The following DRD2 variants were observed in gnomAD, a reference collection of about 807,000 sequenced individuals.
The protein encoded by DRD2 is dopamine receptor D2.
Under a neutral mutation model 38.0 loss-of-function variants are expected in DRD2, and 8 were observed. The ratio of observed to expected loss-of-function variants is 0.21; its 90% CI spans 0.12 to 0.38. DRD2 has a LOEUF of 0.38. Ranked by LOEUF, DRD2 falls within the 10% of genes least tolerant of loss-of-function variation. DRD2 has a pLI of 1.00. For synonymous variants in DRD2, 230 were observed against 238.6 expected, an observed-to-expected ratio of 0.96 and a Z score of 0.33; for missense variants, 403 against 607.7, an observed-to-expected ratio of 0.66 and a Z score of 3.54.
chr11:113,425,665 A>G (rs1224149137), intron 1 of DRD2, among the ~76,000 whole-genome samples: 1 of 152,048 alleles, frequency 6.6e-6, no homozygotes, highest in Admixed American at 6.5e-5. Flanking sequence ...CAGGTAAGAG[A>G]TGATGAGGTT....
intron 1 of DRD2, among the ~76,000 whole-genome samples, chr11:113,462,288 C>T (rs1254332936): frequency 1.3e-5 from 2 of 152,180 alleles, no homozygotes. Context: ...CCTCCGACCC[C>T]CAAGCCCCCA....
In DRD2 at chr11:113,417,010, G is replaced by A. The variant is rs537699837; in HGVS notation, c.396-11C>T. 1.6e-5 allele frequency: 26 copies of A among 1,612,990 alleles called. No individual in the cohort carries two copies. The South Asian group carries it at 1.8e-4, about 11-fold the overall frequency. On this transcript the variant is annotated splice_polypyrimidine_tract_variant and intron_variant, in intron 3 of 7. Coordinates refer to ENST00000362072, the MANE Select transcript of DRD2 (RefSeq NM_000795.4). ...GCCACAGCTGTGTACCTGCAAGGGC[G>A]GGGGACCCTGAATCTGGGGTGCAGG...
At chr11:113,466,077 G>A (rs1394663844) in intron 1 of DRD2, among the ~76,000 whole-genome samples, 1 of 152,138 alleles carries the variant, frequency 6.6e-6, no homozygotes, top group African/African-American at 2.4e-5. Context: ...ACTTGATAGA[G>A]GTCACATAGC....
At position 113,410,604 on chromosome 11, in the gene DRD2, G is replaced by A. The variant is rs1950759469; in HGVS notation, c.*123C>T. On this transcript the variant is annotated 3_prime_UTR_variant, in exon 8 of 8. Transcript: ENST00000362072. ...CATGGAGCCAAGCGAACACTGCAGGGCCTGCCGGGGTGAAGAGGAGGCCGA... is the reference window on the plus strand; with the variant it reads ...CATGGAGCCAAGCGAACACTGCAGGACCTGCCGGGGTGAAGAGGAGGCCGA... The A allele has an allele frequency of 4.0e-6, 5 of 1,242,178 alleles. No individual in the cohort carries two copies. The highest frequency in any genetic ancestry group is 3.6e-5 in the South Asian group (3 of 82,596). 76.9% of individuals were successfully genotyped at this position (1,242,178 alleles called of 1,614,324 possible).
Position 113,424,550 on chromosome 11 carries a change from G to A in DRD2, c.102C>T (p.Tyr34=). ...GGGTGAGCAGTGTGGCATAGTAGTT[G>A]TAGTGGGGTCTGTCCGCCTTCCCGT... is the stretch of plus-strand genomic sequence containing the variant. ...GSDGKADRPH[Y]NYYATLLTLL... is the part of the protein sequence containing the mutation. The change falls in exon 2 of 8, where the codon TAC becomes TAT. Residue 34 remains tyrosine, a synonymous_variant. Coordinates refer to ENST00000362072, the MANE Select transcript of DRD2 (RefSeq NM_000795.4). 1 of 1,614,250 alleles carries A rather than the reference G, an allele frequency of 6.2e-7. No individual in the cohort carries two copies. Among genetic ancestry groups the A allele is most frequent in the Non-Finnish European group, 8.5e-7 (1 of 1,180,052 alleles).
chr11:113,416,900 G>A lies in DRD2; in HGVS notation c.495C>T (p.Thr165=). 2 of 1,614,224 alleles carry A rather than the reference G, an allele frequency of 1.2e-6. No homozygotes were observed. Among genetic ancestry groups the A allele is most frequent in the Non-Finnish European group, 1.7e-6 (2 of 1,180,036 alleles). Reference sequence around the variant, plus strand: ...GTCCGAAGAGGAGTGGGCAGGAGATGGTGAAGGACAGGACCCAGACGATGG... The same window carrying A: ...GTCCGAAGAGGAGTGGGCAGGAGATAGTGAAGGACAGGACCCAGACGATGG... ...MISIVWVLSF[T]ISCPLLFGLN... The change falls in exon 4 of 8, where the codon ACC becomes ACT. Residue 165 remains threonine, a synonymous_variant. Coordinates refer to ENST00000362072, the MANE Select transcript of DRD2 (RefSeq NM_000795.4).
At chr11:113,434,153 C>T (rs920510662) in intron 1 of DRD2, among the ~76,000 whole-genome samples, 2 of 152,228 alleles carry the variant, frequency 1.3e-5, no homozygotes, top group African/African-American at 4.8e-5. Context: ...AACACGTGTG[C>T]TCCTCGGTGA....
chr11:113,436,450 A>C (rs1951038243), intron 1 of DRD2, among the ~76,000 whole-genome samples: 1 of 152,278 alleles, frequency 6.6e-6, no homozygotes, highest in South Asian at 2.1e-4. Flanking sequence ...AAATCCCTGA[A>C]ATTTAGGGGA....
chr11:113,411,634 A>C (rs1950770542), intron 7 of DRD2: 1 of 152,452 alleles, frequency 6.6e-6, no homozygotes, highest in Non-Finnish European at 1.5e-5. Context: ...TGGAGACTGA[A>C]TGGTGTCTGG....
chr11:113,457,376 T>C (rs531287339), intron 1 of DRD2, among the ~76,000 whole-genome samples: 112 of 152,210 alleles, frequency 7.4e-4, no homozygotes, highest in African/African-American at 2.7e-3. Flanking sequence ...AAAGCGACCC[T>C]GTTCTCTTGT....
intron 1 of DRD2, among the ~76,000 whole-genome samples, chr11:113,461,328 T>G (rs1028763667): frequency 6.6e-6 from 1 of 152,172 alleles, no homozygotes; most frequent in Non-Finnish European, 1.5e-5. Flanking sequence ...AGGTCCTTGA[T>G]CTTCTTCTCT....
chr11:113,472,867 A>T (rs1306830490), intron 1 of DRD2, among the ~76,000 whole-genome samples: 5 of 152,174 alleles, frequency 3.3e-5, no homozygotes, highest in African/African-American at 1.2e-4. Flanking sequence ...CATATTGGTG[A>T]TTCCTTAAAA....
At chr11:113,441,489 GACATTTCA>G (rs543444968) in intron 1 of DRD2, among the ~76,000 whole-genome samples, 270 of 152,284 alleles carry the variant, frequency 1.8e-3, no homozygotes, top group Middle Eastern at 0.017. Flanking sequence ...TTTACAATTG[GACATTTCA>G]CATTAAAATA....
intron 1 of DRD2, among the ~76,000 whole-genome samples, chr11:113,458,526 G>A (rs1951288183): frequency 1.3e-5 from 2 of 152,218 alleles, no homozygotes; most frequent in South Asian, 4.1e-4. Context: ...AAATGCATCA[G>A]CTAAGATTAA....
intron 1 of DRD2, among the ~76,000 whole-genome samples, chr11:113,461,944 C>T (rs1951323991): frequency 6.6e-6 from 1 of 152,200 alleles, no homozygotes; most frequent in Admixed American, 6.5e-5. Flanking sequence ...TCCAGGTTCC[C>T]ATGGGCCTTC....
At chr11:113,422,058 T>C (rs903364419) in intron 2 of DRD2, among the ~76,000 whole-genome samples, 6 of 151,950 alleles carry the variant, frequency 3.9e-5, no homozygotes, top group African/African-American at 1.4e-4. Flanking sequence ...AGTGCCTGGG[T>C]AGGGACAGGG....
At position 113,427,905 on chromosome 11, in the gene DRD2, G is replaced by A. The variant is rs566396522; in HGVS notation, c.-31-3223C>T. Among the ~76,000 whole-genome samples, 13 of 152,236 alleles carry A rather than the reference G, an allele frequency of 8.5e-5. No individual in the cohort carries two copies. In the East Asian group the frequency reaches 2.3e-3, roughly 27 times the overall value. On this transcript the variant is annotated intron_variant, in intron 1 of 7. Transcript: ENST00000362072. ...CTTAGGGTGGGCCCTAACCCAATCT[G>A]ACTGGAGTCCTTATAAGAGGAGCTT...
At chr11:113,420,894 C>T (rs1436011303) in intron 2 of DRD2, among the ~76,000 whole-genome samples, 1 of 152,170 alleles carries the variant, frequency 6.6e-6, no homozygotes, top group Non-Finnish European at 1.5e-5. Flanking sequence ...TTCACACCCC[C>T]AGGCATCCAG....
At chr11:113,435,755 C>G (rs1460049038) in intron 1 of DRD2, among the ~76,000 whole-genome samples, 1 of 152,002 alleles carries the variant, frequency 6.6e-6, no homozygotes, top group Non-Finnish European at 1.5e-5. Context: ...ACTTAGCTAC[C>G]AAACTCCTGC....
Sources: gnomAD v4.1 joint callset for allele counts (sites outside exome capture counted in the v4.1 genomes callset) on GRCh38, gnomAD v4.1.1 for gene constraint, MANE v1.5 for transcripts, NCBI Gene and HGNC (gene_info 2026-07-23, HGNC 2026-07-21) for gene names.